Variants in TXNRD2 observed in about 807,000 individuals in gnomAD.
TXNRD2 encodes thioredoxin reductase 2, mitochondrial.
A neutral mutation model predicts 70.8 loss-of-function variants in TXNRD2; 67 were observed. The ratio of observed to expected loss-of-function variants is 0.95; its 90% confidence interval spans 0.78 to 1.16. The LOEUF is 1.16. Ranked by LOEUF, TXNRD2 falls within the 50% of genes most tolerant of loss-of-function variation. TXNRD2 has a pLI of 0.00. For missense variants in TXNRD2, 644 were observed against 719.9 expected (o/e 0.89, Z 1.21); for synonymous variants, 301 against 295.8 (o/e 1.02, Z -0.18).
rs201511691 is a variant in TXNRD2 at position 19,930,888 on chromosome 22, C to T, written c.172+142G>A. 3.3e-5 allele frequency: 25 copies of T among 750,928 alleles called. No individual in the cohort carries two copies. The African/African-American group carries it at 4.1e-4, about 12-fold the overall frequency. 46.5% of individuals were successfully genotyped at this position (750,928 alleles called of 1,614,324 possible). On this transcript the variant is annotated intron_variant, in intron 2 of 17. Transcript: ENST00000400521. ...CAGACAGCTGGAGAGTGGCAGGGAA[C>T]AAGCCACAACACAGAGGCCACTGGG... is the stretch of plus-strand genomic sequence containing the variant.
intron 8 of TXNRD2, among the ~76,000 whole-genome samples, chr22:19,907,502 T>G (rs1176409318): frequency 5.4e-5 from 2 of 37,286 alleles, no homozygotes; most frequent in Non-Finnish European, 9.7e-5. Context: ...GCACCGTGGG[T>G]AGCAGTGACC....
At chr22:19,881,382 T>C (rs887410599) in intron 12 of TXNRD2, 4 of 291,016 alleles carry the variant, frequency 1.4e-5, no homozygotes, top group African/African-American at 9.9e-5. Context: ...CAGGCCTGAC[T>C]AACTACGGAA....
chr22:19,929,641 C>T (rs1237411962), intron 2 of TXNRD2, among the ~76,000 whole-genome samples: 3 of 152,154 alleles, frequency 2.0e-5, no homozygotes, highest in Non-Finnish European at 4.4e-5. Context: ...ATCAGCCCTG[C>T]CCGCACCTGG....
At chr22:19,925,045 G>T (rs1285213795) in intron 2 of TXNRD2, among the ~76,000 whole-genome samples, 1 of 151,592 alleles carries the variant, frequency 6.6e-6, no homozygotes, top group Non-Finnish European at 1.5e-5. Context: ...AGCACTTTGG[G>T]AGGCCAAGGG....
intron 8 of TXNRD2, among the ~76,000 whole-genome samples, chr22:19,907,184 A>G (rs369213447): frequency 5.0e-3 from 257 of 51,438 alleles, no homozygotes; most frequent in Admixed American, 7.7e-3. Flanking sequence ...GCGCACCATG[A>G]GTAGCAGTGA....
chr22:19,920,952 A>G (rs1158466147), intron 2 of TXNRD2, among the ~76,000 whole-genome samples: 1 of 151,686 alleles, frequency 6.6e-6, no homozygotes, highest in Non-Finnish European at 1.5e-5. Context: ...AAATACAAAA[A>G]CAAAATTAGT....
chr22:19,905,272 T>G (rs1939957617), intron 8 of TXNRD2, among the ~76,000 whole-genome samples: 1 of 152,202 alleles, frequency 6.6e-6, no homozygotes, highest in Non-Finnish European at 1.5e-5. Context: ...GCAAACACTT[T>G]TTTTCTTAAA....
At chr22:19,876,976 G>T in intron 17 of TXNRD2, 64 bp downstream of exon 17, 1 of 1,221,870 alleles carries the variant, frequency 8.2e-7, no homozygotes, top group Non-Finnish European at 1.1e-6. Flanking sequence ...GGAGCCCATG[G>T]CCAGGGCTCC....
chr22:19,896,739 A>G (rs1939524524), intron 10 of TXNRD2, among the ~76,000 whole-genome samples: 1 of 152,254 alleles, frequency 6.6e-6, no homozygotes, highest in African/African-American at 2.4e-5. Flanking sequence ...GGAGAAAAAC[A>G]GTCACTGCTA....
intron 7 of TXNRD2, among the ~76,000 whole-genome samples, chr22:19,912,680 G>C (rs1392162936): frequency 1.3e-5 from 2 of 152,254 alleles, no homozygotes; most frequent in African/African-American, 4.8e-5. Context: ...CAACTGCACA[G>C]TGTCATCCTA....
At chr22:19,904,644 C>T (rs1939925475) in intron 8 of TXNRD2, among the ~76,000 whole-genome samples, 1 of 152,258 alleles carries the variant, frequency 6.6e-6, no homozygotes, top group Non-Finnish European at 1.5e-5. Flanking sequence ...TGGTGGCAGC[C>T]TGTGCCTGTA....
intron 7 of TXNRD2, among the ~76,000 whole-genome samples, chr22:19,914,709 G>A (rs1450536144): frequency 6.6e-6 from 1 of 152,136 alleles, no homozygotes; most frequent in Non-Finnish European, 1.5e-5. Flanking sequence ...AAGGAGTTCT[G>A]GCAATGGATG....
chr22:19,919,162 A>G (rs940279807), intron 3 of TXNRD2, among the ~76,000 whole-genome samples, 158 bp from the exon 4 acceptor site: 12 of 113,720 alleles, frequency 1.1e-4, no homozygotes, highest in African/African-American at 4.9e-4. Flanking sequence ...ACTGTACTCG[A>G]AAATAAAAAC....
intron 2 of TXNRD2, among the ~76,000 whole-genome samples, chr22:19,921,708 G>C (rs2146058711): frequency 6.6e-6 from 1 of 152,294 alleles, no homozygotes; most frequent in South Asian, 2.1e-4. Context: ...GGCAGCCAGA[G>C]GTCATGCACA....
At chr22:19,929,196 G>A (rs1941267253) in intron 2 of TXNRD2, among the ~76,000 whole-genome samples, 1 of 150,688 alleles carries the variant, frequency 6.6e-6, no homozygotes, top group African/African-American at 2.4e-5. Context: ...GCGTGGTGGT[G>A]GGCGCCTGTA....
intron 14 of TXNRD2, 78 bp from the exon 15 acceptor site, chr22:19,878,515 T>C (rs2145928130): frequency 1.5e-6 from 2 of 1,304,088 alleles, no homozygotes; most frequent in Admixed American, 1.7e-5. Flanking sequence ...ACAGGCTGCA[T>C]GGGCAAGGCA....
chr22:19,912,688 C>T (rs936527138), intron 7 of TXNRD2, among the ~76,000 whole-genome samples: 1 of 152,118 alleles, frequency 6.6e-6, no homozygotes, highest in African/African-American at 2.4e-5. Flanking sequence ...CAGTGTCATC[C>T]TACAAAGTCA....
intron 13 of TXNRD2, 143 bp from the exon 14 acceptor site, chr22:19,880,414 G>T: frequency 1.1e-6 from 1 of 937,842 alleles, no homozygotes; most frequent in Non-Finnish European, 1.7e-6. Context: ...CGACCCACCT[G>T]CCCACGCCTG....
At chr22:19,904,132 G>A (rs115839620) in intron 8 of TXNRD2, among the ~76,000 whole-genome samples, 7 of 152,124 alleles carry the variant, frequency 4.6e-5, no homozygotes, top group Admixed American at 2.6e-4. Flanking sequence ...GCGCCAGGGC[G>A]TGGCTATGGG....
Sources: gnomAD v4.1 joint callset for allele counts (sites outside exome capture counted in the v4.1 genomes callset) on GRCh38, gnomAD v4.1.1 for gene constraint, MANE v1.5 for transcripts, NCBI Gene and HGNC (gene_info 2026-07-23, HGNC 2026-07-21) for gene names.